HTR3A: variants seen among roughly 807,000 people sequenced by gnomAD.
HTR3A encodes 5-hydroxytryptamine receptor 3A, also known as 5-hydroxytryptamine (serotonin) receptor 3A, ionotropic.
A neutral mutation model predicts 54.8 loss-of-function variants in HTR3A; 45 were observed. The ratio of observed to expected loss-of-function variants is 0.82; its 90% CI spans 0.65 to 1.05. HTR3A has a LOEUF of 1.05. Ranked by LOEUF, HTR3A falls within the 50% of genes least tolerant of loss-of-function variation. HTR3A has a pLI of 0.00. For synonymous variants in HTR3A, 297 were observed against 256.0 expected, an observed-to-expected ratio of 1.16 and a Z score of -1.53; for missense variants, 657 against 614.0, an observed-to-expected ratio of 1.07 and a Z score of -0.74.
intron 7 of HTR3A, 36 bp downstream of exon 7, chr11:113,986,764 G>A: frequency 2.5e-6 from 4 of 1,614,186 alleles, no homozygotes; most frequent in Admixed American, 1.7e-5. Flanking sequence ...TCAGTCTGGT[G>A]AGAAACCCGC....
Position 113,986,861 on chromosome 11 carries a change from T to C in HTR3A, c.953T>C (p.Ile318Thr), listed in dbSNP as rs761824611. ...GTGGTGTGCATGGCTCTGCTGGTGA[T>C]AAGTTTGGCCGAGACCATCTTCATT... ...YFVVCMALLV[I>T]SLAETIFIVR... The change falls in exon 8 of 9, where the codon ATA becomes ACA. Residue 318 changes from isoleucine to threonine, a missense_variant. Ile to Thr is a moderately conservative substitution (Grantham distance 89, BLOSUM62 -1). Transcript: ENST00000504030. 37 of 1,613,978 alleles carry C rather than the reference T, an allele frequency of 2.3e-5. 1 individual carries two copies. The South Asian group carries it at 3.0e-4, about 13-fold the overall frequency.
At chr11:113,988,689 G>T (rs569199688) in intron 8 of HTR3A, among the ~76,000 whole-genome samples, 26 of 152,154 alleles carry the variant, frequency 1.7e-4, no homozygotes, top group African/African-American at 6.0e-4. Context: ...GCTTGAACTC[G>T]GGAGGCAGAG....
intron 5 of HTR3A, among the ~76,000 whole-genome samples, chr11:113,985,313 A>G (rs1393494442): frequency 6.6e-6 from 1 of 152,140 alleles, no homozygotes; most frequent in Non-Finnish European, 1.5e-5. Context: ...GAGTTCATGC[A>G]CATTTAGGTC....
Position 113,984,622 on chromosome 11 carries a change from A to G in HTR3A, c.544+1333A>G, listed in dbSNP as rs534170030. ...GTGAAATGCACACCACCCTGTTGCA[A>G]GAAGGCATCCCCCAGGCCGGGCGCG... On this transcript the variant is annotated intron_variant, in intron 5 of 8. Coordinates refer to ENST00000504030, the MANE Select transcript of HTR3A (RefSeq NM_000869.6). Among the ~76,000 whole-genome samples, 10 of 152,268 alleles carry G rather than the reference A, an allele frequency of 6.6e-5. No individual in the cohort carries two copies. The South Asian group carries it at 2.1e-3, about 32-fold the overall frequency.
At chr11:113,986,280 G>A (rs1374630016) in intron 6 of HTR3A, 105 bp downstream of exon 6, 4 of 1,422,238 alleles carry the variant, frequency 2.8e-6, no homozygotes, top group Non-Finnish European at 4.0e-6. Context: ...CCAACCCCAG[G>A]GTTGCACACA....
chr11:113,985,587 A>G (rs1950479175), intron 5 of HTR3A, among the ~76,000 whole-genome samples: 1 of 152,170 alleles, frequency 6.6e-6, no homozygotes, highest in Non-Finnish European at 1.5e-5. Context: ...TTCTTAATTC[A>G]CTTTTAAAGA....
intron 3 of HTR3A, among the ~76,000 whole-genome samples, chr11:113,979,625 T>C (rs1447262004): frequency 2.0e-5 from 3 of 152,172 alleles, no homozygotes; most frequent in Non-Finnish European, 4.4e-5. Context: ...TTCAGCCAAA[T>C]TGGACAGCAA....
At chr11:113,978,002 G>T in intron 2 of HTR3A, 80 bp downstream of exon 2, 1 of 1,535,994 alleles carries the variant, frequency 6.5e-7, no homozygotes, top group Non-Finnish European at 9.0e-7. Flanking sequence ...CACCCCCTAT[G>T]CAGCTTGTTA....
chr11:113,978,534 C>T (rs1950382765), intron 2 of HTR3A, among the ~76,000 whole-genome samples: 1 of 152,144 alleles, frequency 6.6e-6, no homozygotes, highest in South Asian at 2.1e-4. Flanking sequence ...GCCCTCCTGA[C>T]TAATTTTTGT....
intron 1 of HTR3A, among the ~76,000 whole-genome samples, chr11:113,975,647 C>T (rs927352199): frequency 1.3e-5 from 2 of 152,028 alleles, no homozygotes; most frequent in Admixed American, 6.6e-5. Flanking sequence ...AGTAGCCTGG[C>T]GTATCAGAAA....
Position 113,986,700 on chromosome 11 carries a change from G to A in HTR3A, c.888G>A (p.Pro296=), listed in dbSNP as rs139882816. The A allele has an allele frequency of 6.4e-5, 103 of 1,614,100 alleles. No homozygotes were observed. The African/African-American group carries it at 1.1e-3, about 17-fold the overall frequency. ...VFLIIVSDTL[P]ATAIGTPLIG... Reference sequence around the variant, plus strand: ...TGATCATCGTTTCTGACACGCTGCCGGCCACTGCCATCGGCACTCCTCTCA... The same window carrying A: ...TGATCATCGTTTCTGACACGCTGCCAGCCACTGCCATCGGCACTCCTCTCA... The change falls in exon 7 of 9, where the codon CCG becomes CCA. Residue 296 remains proline, a synonymous_variant. Transcript: ENST00000504030.
At chr11:113,987,163 T>C (rs1335101253) in intron 8 of HTR3A, 117 bp downstream of exon 8, 7 of 1,096,978 alleles carry the variant, frequency 6.4e-6, no homozygotes, top group South Asian at 2.6e-5. Flanking sequence ...TGGCATCCCA[T>C]GCCCTGCCTT....
chr11:113,976,514 G>T (rs1950352403), intron 1 of HTR3A, among the ~76,000 whole-genome samples: 1 of 151,286 alleles, frequency 6.6e-6, no homozygotes, highest in African/African-American at 2.4e-5. Flanking sequence ...CTGTTCTAAA[G>T]TTAAATGAAG....
rs757883375 is a variant in HTR3A at position 113,986,528 on chromosome 11, G to A, written c.716G>A (p.Arg239His). Residue 239 changes from arginine (R) to histidine (H), a missense_variant, in exon 7 of 9, where the codon CGC (arginine) becomes CAC (histidine). Physicochemically the swap from Arg to His is conservative, Grantham distance 29. Coordinates refer to ENST00000504030, the MANE Select transcript of HTR3A (RefSeq NM_000869.6). Reference sequence around the variant, plus strand: ...CTTCTCCGGTCCCAGGTGGTCATCCGCCGGCGGCCCCTCTTCTATGTGGTC... The same window carrying A: ...CTTCTCCGGTCCCAGGTGGTCATCCACCGGCGGCCCCTCTTCTATGTGGTC... ...YAEMKFYVVI[R>H]RRPLFYVVSL... 8.7e-6 allele frequency: 14 copies of A among 1,612,268 alleles called. No homozygotes were observed. The East Asian group carries it at 1.1e-4, about 13-fold the overall frequency.
intron 8 of HTR3A, 46 bp downstream of exon 8, chr11:113,987,092 C>G: frequency 6.3e-7 from 1 of 1,590,906 alleles, no homozygotes; most frequent in Non-Finnish European, 8.6e-7. Flanking sequence ...CTGCTTCTGG[C>G]TTGGATGTTG....
At chr11:113,984,929 G>GA (rs71063538) in intron 5 of HTR3A, among the ~76,000 whole-genome samples, 133,346 of 147,448 alleles carry the variant, frequency 0.9, 61,676 homozygotes, top group East Asian at 1. Flanking sequence ...TCTCAAAAAA[G>GA]AAAAAAAAAA....
intron 5 of HTR3A, among the ~76,000 whole-genome samples, chr11:113,984,072 C>T (rs1237514278): frequency 6.6e-6 from 1 of 152,112 alleles, no homozygotes; most frequent in Non-Finnish European, 1.5e-5. Flanking sequence ...ATGTTGTTTC[C>T]TCTCCTATGC....
chr11:113,982,386 GC>G (rs1451756806), intron 4 of HTR3A, among the ~76,000 whole-genome samples: 1 of 152,122 alleles, frequency 6.6e-6, no homozygotes, highest in Non-Finnish European at 1.5e-5. Flanking sequence ...CCTCTACATA[GC>G]TCAGGCTGGA....
In HTR3A at chr11:113,981,238, G is replaced by A. The variant is rs757571267; in HGVS notation, c.300G>A (p.Glu100=). 12 of 1,613,876 alleles carry A rather than the reference G, an allele frequency of 7.4e-6. No individual in the cohort carries two copies. Among genetic ancestry groups the A allele is most frequent in the Non-Finnish European group, 9.3e-6 (11 of 1,179,732 alleles). ...WTDEFLQWNP[E]DFDNITKLSI... ...ATGAGTTTCTCCAGTGGAACCCTGA[G>A]GACTTTGACAACATCACCAAGTTGT... is the stretch of plus-strand genomic sequence containing the variant. The change falls in exon 4 of 9, where the codon GAG becomes GAA. Residue 100 remains glutamate, a synonymous_variant. Coordinates refer to ENST00000504030, the MANE Select transcript of HTR3A (RefSeq NM_000869.6).
Sources: allele counts gnomAD v4.1 joint callset (sites outside exome capture counted in the v4.1 genomes callset), GRCh38; gene constraint gnomAD v4.1.1; transcripts MANE v1.5; gene names NCBI Gene and HGNC (gene_info 2026-07-23, HGNC 2026-07-21).